CEP85: variants seen among roughly 807,000 people sequenced by gnomAD.
CEP85 encodes centrosomal protein of 85 kDa.
In CEP85, 58 loss-of-function variants were observed where a neutral mutation model predicts 93.7. The ratio of observed to expected loss-of-function variants is 0.62; its 90% CI spans 0.50 to 0.77. CEP85 has a LOEUF of 0.77. Among genes scored for constraint, CEP85 ranks in the 30% least tolerant of loss-of-function variants. The pLI, the probability that CEP85 is intolerant of heterozygous loss-of-function variation, is 0.00. For missense variants in CEP85, 868 were observed against 922.0 expected (o/e 0.94, Z 0.76); for synonymous variants, 314 against 338.6 (o/e 0.93, Z 0.80).
At chr1:26,272,617 ATTT>A (rs397861910) in intron 11 of CEP85, among the ~76,000 whole-genome samples, 6 of 89,690 alleles carry the variant, frequency 6.7e-5, no homozygotes, top group African/African-American at 2.5e-4. Context: ...CTATTACAGC[ATTT>A]TTTTTTTTTT....
At position 26,276,882 on chromosome 1, in the gene CEP85, C is replaced by T. The variant is rs556824433; in HGVS notation, c.2128+122C>T. ...ACAGAGTACATAGTCCTGGCCACTGCCCTCTGGACATTTATTTGTTTCACA... is the reference window on the plus strand; with the variant it reads ...ACAGAGTACATAGTCCTGGCCACTGTCCTCTGGACATTTATTTGTTTCACA... On this transcript the variant is annotated intron_variant, in intron 13 of 13. Transcript: ENST00000451429. 9.6e-6 allele frequency: 8 copies of T among 837,074 alleles called. No individual in the cohort carries two copies. The African/African-American group carries it at 1.2e-4, about 13-fold the overall frequency. 51.9% of individuals were successfully genotyped at this position (837,074 alleles called of 1,614,324 possible).
Position 26,259,614 on chromosome 1 carries a change from C to T in CEP85, c.1156-3C>T. On this transcript the variant is annotated splice_polypyrimidine_tract_variant and splice_region_variant and intron_variant, in intron 6 of 13. Coordinates refer to ENST00000451429, the MANE Select transcript of CEP85 (RefSeq NM_001319944.2). ...AGTTACATATTGAGAATCTTTCTGG[C>T]AGGAATTGCAGCGAGAAAACACTTT... 1 of 1,601,436 alleles carries T rather than the reference C, an allele frequency of 6.2e-7. No homozygotes were observed. The highest frequency in any genetic ancestry group is 1.1e-5 in the South Asian group (1 of 89,298).
chr1:26,236,394 CT>C (rs1417786817), intron 1 of CEP85, among the ~76,000 whole-genome samples: 26 of 141,090 alleles, frequency 1.8e-4, no homozygotes, highest in South Asian at 1.3e-3. Flanking sequence ...CTGTTGGGTG[CT>C]TTTTTTTTTT....
chr1:26,255,902 G>A, intron 4 of CEP85, 37 bp downstream of exon 4: 1 of 1,514,660 alleles, frequency 6.6e-7, no homozygotes, highest in Non-Finnish European at 8.9e-7. Context: ...TCTAGGTTCT[G>A]TACAGTTCTT....
chr1:26,258,330 T>C, intron 6 of CEP85, 70 bp downstream of exon 6: 2 of 974,596 alleles, frequency 2.1e-6, no homozygotes, highest in Non-Finnish European at 3.3e-6. Flanking sequence ...TTGACACCAT[T>C]AGGTATCCAG....
Position 26,277,526 on chromosome 1 carries a change from T to C in CEP85, c.*233T>C. On this transcript the variant is annotated 3_prime_UTR_variant, in exon 14 of 14. Coordinates refer to ENST00000451429, the MANE Select transcript of CEP85 (RefSeq NM_001319944.2). ...TAGACGGTGAGTTACTAATTAACTT[T>C]TGGCAGGTACAACAGATAAGTCCTC... 1 of 448,584 alleles carries C rather than the reference T, an allele frequency of 2.2e-6. No individual in the cohort carries two copies. Among genetic ancestry groups the C allele is most frequent in the East Asian group, 3.7e-5 (1 of 27,282 alleles). 27.8% of individuals were successfully genotyped at this position (448,584 alleles called of 1,614,324 possible).
At position 26,264,809 on chromosome 1, in the gene CEP85, T is replaced by A. The variant is rs188308434; in HGVS notation, c.1342-3674T>A. Among the ~76,000 whole-genome samples, 103 of 151,908 alleles carry A rather than the reference T, an allele frequency of 6.8e-4. 1 individual carries two copies. The highest frequency in any genetic ancestry group is 2.4e-3 in the African/African-American group (98 of 41,440). Reference sequence around the variant, plus strand: ...AGAGTCCCCACAGTTCTATACATAGTTTTTTTTGTTTGTTTTTGAGACACA... The same window carrying A: ...AGAGTCCCCACAGTTCTATACATAGATTTTTTTGTTTGTTTTTGAGACACA... On this transcript the variant is annotated intron_variant, in intron 7 of 13. Transcript: ENST00000451429.
rs2089782688 is a variant in CEP85 at position 26,260,072 on chromosome 1, CCA to C, written c.1341+272_1341+273del. ...GTCCCAGGTTGTGCTGTGCAATGTA[CCA>C]CCAGCTGGTCTGGGTAGAAAACCAA... On this transcript the variant is annotated intron_variant, in intron 7 of 13. Coordinates refer to ENST00000451429, the MANE Select transcript of CEP85 (RefSeq NM_001319944.2). Among the ~76,000 whole-genome samples the C allele has an allele frequency of 2.0e-5, 3 of 152,328 alleles. No homozygotes were observed. In the South Asian group the frequency reaches 6.2e-4, roughly 32 times the overall value.
At chr1:26,267,146 G>A (rs534274715) in intron 7 of CEP85, among the ~76,000 whole-genome samples, 15 of 152,298 alleles carry the variant, frequency 9.8e-5, no homozygotes, top group Admixed American at 2.6e-4. Flanking sequence ...CAGGCCACCC[G>A]TATTTCTGAC....
At chr1:26,237,336 C>A (rs2089341874) in intron 1 of CEP85, among the ~76,000 whole-genome samples, 1 of 152,130 alleles carries the variant, frequency 6.6e-6, no homozygotes, top group South Asian at 2.1e-4. Flanking sequence ...TGAAAAGAAA[C>A]CCGGTATCCA....
chr1:26,268,602 C>A lies in CEP85; in HGVS notation c.1461C>A (p.Pro487=). The change falls in exon 8 of 14, where the codon CCC becomes CCA. Residue 487 remains proline, a synonymous_variant. Transcript: ENST00000451429. The stretch of plus-strand genomic sequence containing the variant: ...TGGAGCGCTACCTGGCTGACCTGCC[C>A]ACACTGGAAGACCATCAGAAGCAGA... ...ETLERYLADL[P]TLEDHQKQSQ... is the part of the protein sequence containing the mutation. 1 of 1,613,352 alleles carries A rather than the reference C, an allele frequency of 6.2e-7. No homozygotes were observed. The highest frequency in any genetic ancestry group is 8.5e-7 in the Non-Finnish European group (1 of 1,179,696).
At chr1:26,247,066 A>G (rs1479949096) in intron 3 of CEP85, among the ~76,000 whole-genome samples, 2 of 152,216 alleles carry the variant, frequency 1.3e-5, no homozygotes, top group South Asian at 2.1e-4. Context: ...TCACAGGAGC[A>G]GGAACCCTAT....
At chr1:26,272,360 G>T (rs180990835) in intron 11 of CEP85, 2 of 404,960 alleles carry the variant, frequency 4.9e-6, no homozygotes, top group East Asian at 4.0e-5. Context: ...AACCTACAAG[G>T]ATGAGGAGTT....
At chr1:26,272,228 G>A in intron 11 of CEP85, 157 bp downstream of exon 11, 1 of 702,928 alleles carries the variant, frequency 1.4e-6, no homozygotes, top group Non-Finnish European at 2.5e-6. Flanking sequence ...TTGCTGAGAG[G>A]ACACAAATAT....
intron 9 of CEP85, 72 bp downstream of exon 9, chr1:26,269,686 T>C (rs2089945310): frequency 8.1e-7 from 1 of 1,233,772 alleles, no homozygotes; most frequent in Non-Finnish European, 1.1e-6. Flanking sequence ...CTCACTTACC[T>C]GTGTGACTTT....
chr1:26,239,758 A>G lies in CEP85; in HGVS notation c.-22-4A>G, dbSNP rs760646272. The G allele has an allele frequency of 1.1e-5, 18 of 1,575,504 alleles. No homozygotes were observed. Among genetic ancestry groups the G allele is most frequent in the South Asian group, 3.3e-5 (3 of 90,300 alleles). ...AACTGACTGGTTATTCCTTCATTCTACAGTTGGCTTAAATAACTGTGATTG... is the reference window on the plus strand; with the variant it reads ...AACTGACTGGTTATTCCTTCATTCTGCAGTTGGCTTAAATAACTGTGATTG... On this transcript the variant is annotated splice_polypyrimidine_tract_variant and splice_region_variant and intron_variant, in intron 1 of 13. Transcript: ENST00000451429.
chr1:26,255,289 A>T lies in CEP85; in HGVS notation c.327A>T (p.Thr109=). The change falls in exon 4 of 14, where the codon ACA becomes ACT. Residue 109 remains threonine, a synonymous_variant. Transcript: ENST00000451429. ...CCTCTCCTGCCAAGCCAAATTCTAC[A>T]CCTGTTGGACCCTCTTCCTCTAAAC... is the stretch of plus-strand genomic sequence containing the variant. ...LGTSPAKPNS[T]PVGPSSSKLP... The T allele has an allele frequency of 1.9e-6, 3 of 1,613,938 alleles. No homozygotes were observed. The highest frequency in any genetic ancestry group is 1.3e-5 in the African/African-American group (1 of 74,942).
rs1192252673 is a variant in CEP85, at chr1:26,235,567, C to CTTTTTTTTTTTTTTT, written c.-23+1263_-23+1277dup. Among the ~76,000 whole-genome samples the CTTTTTTTTTTTTTTT allele has an allele frequency of 3.2e-3, 302 of 95,552 alleles. 16 individuals are homozygous for CTTTTTTTTTTTTTTT. Among genetic ancestry groups the CTTTTTTTTTTTTTTT allele is most frequent in the Non-Finnish European group, 4.6e-3 (236 of 51,766 alleles). 62.7% of individuals were successfully genotyped at this position (95,552 alleles called of 152,430 possible). A position where few individuals can be genotyped will look rare whatever the true frequency, so the allele number is the denominator to read the frequency against. On this transcript the variant is annotated intron_variant, in intron 1 of 13. Transcript: ENST00000451429. ...GATGTTCCACACTTAGATTGTAATT[C>CTTTTTTTTTTTTTTT]TTTTTTTTTTTTTTTTTTTTGTGAG...
At chr1:26,253,069 A>G (rs2089643545) in intron 3 of CEP85, among the ~76,000 whole-genome samples, 1 of 152,122 alleles carries the variant, frequency 6.6e-6, no homozygotes, top group Non-Finnish European at 1.5e-5. Flanking sequence ...AAGTGACACA[A>G]TTGACATCTT....
Sources: gnomAD v4.1 joint callset for allele counts (sites outside exome capture counted in the v4.1 genomes callset) on GRCh38, gnomAD v4.1.1 for gene constraint, MANE v1.5 for transcripts, NCBI Gene and HGNC (gene_info 2026-07-23, HGNC 2026-07-21) for gene names.